RGS7BP: variants seen among roughly 807,000 people sequenced by gnomAD.
The protein encoded by RGS7BP is regulator of G protein signaling 7 binding protein, also known as regulator of G protein signaling 7-binding protein.
In RGS7BP, 9 loss-of-function variants were observed where a neutral mutation model predicts 31.3. The observed-to-expected ratio is 0.29, with a 90% CI of 0.17 to 0.50. The LOEUF is 0.50. Ranked by LOEUF, RGS7BP falls within the 20% of genes least tolerant of loss-of-function variation. The pLI, the probability that RGS7BP is intolerant of heterozygous loss-of-function variation, is 0.98. For missense variants in RGS7BP, 274 were observed against 322.0 expected, an observed-to-expected ratio of 0.85 and a Z score of 1.14; for synonymous variants, 115 against 120.1, an observed-to-expected ratio of 0.96 and a Z score of 0.28.
At chr5:64,594,599 G>T in intron 3 of RGS7BP, 111 bp from the exon 4 acceptor site, 1 of 939,446 alleles carries the variant, frequency 1.1e-6, no homozygotes, top group Non-Finnish European at 1.7e-6. Flanking sequence ...TAGGGTTAAT[G>T]GAACATTTGA....
chr5:64,554,442 T>C (rs1349955285), intron 2 of RGS7BP, among the ~76,000 whole-genome samples: 9 of 152,132 alleles, frequency 5.9e-5, no homozygotes, highest in Admixed American at 3.3e-4. Context: ...CATCCATTTG[T>C]CTCCTGTTAC....
intron 3 of RGS7BP, among the ~76,000 whole-genome samples, chr5:64,580,748 G>A (rs1217716503): frequency 1.3e-5 from 2 of 152,126 alleles, no homozygotes; most frequent in Admixed American, 6.5e-5. Context: ...TACCACTGGT[G>A]TGGCCTCAGG....
At chr5:64,576,768 A>T (rs1451538993) in intron 3 of RGS7BP, among the ~76,000 whole-genome samples, 2 of 152,200 alleles carry the variant, frequency 1.3e-5, no homozygotes, top group African/African-American at 2.4e-5. Flanking sequence ...AGAGTGTGGA[A>T]TGGGAAGGAT....
chr5:64,541,439 C>A (rs1275324847), intron 2 of RGS7BP, among the ~76,000 whole-genome samples: 3 of 152,174 alleles, frequency 2.0e-5, no homozygotes, highest in Non-Finnish European at 4.4e-5. Context: ...AATGGGTCCC[C>A]AAAACGCAGC....
intron 2 of RGS7BP, among the ~76,000 whole-genome samples, chr5:64,519,329 G>A (rs749953352): frequency 4.6e-5 from 7 of 152,220 alleles, no homozygotes; most frequent in Non-Finnish European, 8.8e-5. Flanking sequence ...ACCTCCAGAA[G>A]CATAAAGATG....
chr5:64,541,583 C>T (rs978081342), intron 2 of RGS7BP, among the ~76,000 whole-genome samples: 1 of 152,228 alleles, frequency 6.6e-6, no homozygotes, highest in Non-Finnish European at 1.5e-5. Flanking sequence ...AGGGTATTCT[C>T]ATCATTCTTA....
At chr5:64,533,393 G>C (rs1749421958) in intron 2 of RGS7BP, among the ~76,000 whole-genome samples, 1 of 152,172 alleles carries the variant, frequency 6.6e-6, no homozygotes, top group Non-Finnish European at 1.5e-5. Context: ...GCTTTGGAAA[G>C]CATATTTCAT....
At chr5:64,582,926 G>A (rs944136879) in intron 3 of RGS7BP, among the ~76,000 whole-genome samples, 18 of 152,166 alleles carry the variant, frequency 1.2e-4, no homozygotes, top group African/African-American at 4.1e-4. Context: ...AATGGAATGA[G>A]GCAATTGATA....
intron 5 of RGS7BP, chr5:64,601,588 G>A (rs1743219195): frequency 1.4e-5 from 3 of 218,712 alleles, no homozygotes; most frequent in Non-Finnish European, 2.3e-5. Flanking sequence ...AGCCACCCTT[G>A]CACTGCTGAG....
intron 2 of RGS7BP, among the ~76,000 whole-genome samples, chr5:64,519,943 T>C (rs1398503609): frequency 1.3e-5 from 2 of 152,220 alleles, no homozygotes; most frequent in Non-Finnish European, 2.9e-5. Flanking sequence ...ATGTCAGGAC[T>C]GATATCTTCA....
intron 2 of RGS7BP, among the ~76,000 whole-genome samples, chr5:64,544,793 T>C (rs1203141836): frequency 6.6e-6 from 1 of 152,222 alleles, no homozygotes; most frequent in East Asian, 1.9e-4. Flanking sequence ...AATCATGGTA[T>C]ATTGAATCTA....
intron 2 of RGS7BP, among the ~76,000 whole-genome samples, chr5:64,571,210 G>C (rs1742294117): frequency 3.3e-5 from 5 of 152,114 alleles, no homozygotes; most frequent in Admixed American, 3.3e-4. Context: ...TCTCATTCAA[G>C]ATAAGGCTTT....
intron 1 of RGS7BP, 141 bp from the exon 2 acceptor site, chr5:64,507,570 A>T: frequency 1.5e-6 from 1 of 688,096 alleles, no homozygotes; most frequent in Non-Finnish European, 2.3e-6. Flanking sequence ...CTTCTGCTTT[A>T]AACAATTCCT....
intron 2 of RGS7BP, among the ~76,000 whole-genome samples, chr5:64,541,933 T>C (rs1741535710): frequency 6.9e-6 from 1 of 144,304 alleles, no homozygotes; most frequent in South Asian, 2.3e-4. Context: ...AGAAATCATT[T>C]CATATATTTT....
At chr5:64,573,847 A>G (rs989271009) in intron 2 of RGS7BP, among the ~76,000 whole-genome samples, 3 of 152,170 alleles carry the variant, frequency 2.0e-5, no homozygotes, top group Admixed American at 6.5e-5. Context: ...TCTGTCAACT[A>G]CTCTGATTTA....
At chr5:64,514,067 T>A (rs1748909942) in intron 2 of RGS7BP, among the ~76,000 whole-genome samples, 1 of 152,186 alleles carries the variant, frequency 6.6e-6, no homozygotes, top group Non-Finnish European at 1.5e-5. Context: ...TCCTCTAGCT[T>A]CTGGTGGCTT....
At chr5:64,558,926 G>A (rs1051939427) in intron 2 of RGS7BP, among the ~76,000 whole-genome samples, 2 of 152,166 alleles carry the variant, frequency 1.3e-5, no homozygotes, top group Admixed American at 6.5e-5. Flanking sequence ...TTCCAGCCTG[G>A]AGAATTCTAG....
intron 2 of RGS7BP, among the ~76,000 whole-genome samples, chr5:64,568,820 G>T (rs1742233511): frequency 2.1e-5 from 3 of 144,684 alleles, no homozygotes; most frequent in African/African-American, 7.7e-5. Context: ...TTTAAATATA[G>T]TTTTTACTTT....
chr5:64,580,378 G>C (rs189389837), intron 3 of RGS7BP, among the ~76,000 whole-genome samples: 1 of 152,064 alleles, frequency 6.6e-6, no homozygotes, highest in Admixed American at 6.5e-5. Flanking sequence ...GGGGAGCAAG[G>C]CTATGCTAAT....
Sources: gnomAD v4.1 joint callset for allele counts (sites outside exome capture counted in the v4.1 genomes callset) on GRCh38, gnomAD v4.1.1 for gene constraint, MANE v1.5 for transcripts, NCBI Gene and HGNC (gene_info 2026-07-23, HGNC 2026-07-21) for gene names.